The following NSD3 variants were observed in gnomAD, a reference collection of about 807,000 sequenced individuals.
The protein encoded by NSD3 is histone-lysine N-methyltransferase NSD3.
A neutral mutation model predicts 160.8 loss-of-function variants in NSD3; 24 were observed. The observed-to-expected ratio is 0.15, with a 90% CI of 0.11 to 0.21. The LOEUF is 0.21. Among genes scored for constraint, NSD3 ranks in the 10% least tolerant of loss-of-function variants. NSD3 has a pLI of 1.00. For missense variants in NSD3, 1,157 were observed against 1,735.9 expected, an observed-to-expected ratio of 0.67 and a Z score of 5.93; for synonymous variants, 520 against 600.0, an observed-to-expected ratio of 0.87 and a Z score of 1.95.
intron 22 of NSD3, among the ~76,000 whole-genome samples, chr8:38,277,992 G>T (rs1002393407): frequency 1.3e-5 from 2 of 150,318 alleles, no homozygotes; most frequent in Non-Finnish European, 3.0e-5. Flanking sequence ...AGGCTGGAGT[G>T]CAGTGGTGCG....
chr8:38,270,739 TAAG>T lies in NSD3; in HGVS notation c.*4899_*4901del, dbSNP rs1413260943. On this transcript the variant is annotated 3_prime_UTR_variant, in exon 24 of 24. Coordinates refer to ENST00000317025, the MANE Select transcript of NSD3 (RefSeq NM_023034.2). ...AACTAGCAGATGCAGTAATGCCACA[TAAG>T]AAAACTAAGGACTGAATAAATGACT... The T allele has an allele frequency of 6.6e-6, 1 of 152,212 alleles. No homozygotes were observed. Among genetic ancestry groups the T allele is most frequent in the Non-Finnish European group, 1.5e-5 (1 of 68,048 alleles). 9.4% of individuals were successfully genotyped at this position (152,212 alleles called of 1,614,324 possible). A position where few individuals can be genotyped will look rare whatever the true frequency, so the allele number is the denominator to read the frequency against.
intron 1 of NSD3, among the ~76,000 whole-genome samples, chr8:38,379,502 T>C (rs1811485267): frequency 2.0e-5 from 3 of 152,136 alleles, no homozygotes; most frequent in South Asian, 4.1e-4. Context: ...TTTTTTTTAA[T>C]GCAACTGTTC....
Position 38,326,887 on chromosome 8 carries a change from A to C in NSD3, c.1582-31T>G, listed in dbSNP as rs551058562. 5 of 1,611,776 alleles carry C rather than the reference A, an allele frequency of 3.1e-6. No individual in the cohort carries two copies. The South Asian group carries it at 5.5e-5, about 18-fold the overall frequency. ...AAATAAGGCAAAAGAAAAAACAACA[A>C]AACAGGTGATTACCAGGCAAGTGGC... On this transcript the variant is annotated intron_variant, in intron 6 of 23. Transcript: ENST00000317025.
intron 1 of NSD3, among the ~76,000 whole-genome samples, chr8:38,364,553 T>C (rs1158242678): frequency 6.6e-6 from 1 of 152,174 alleles, no homozygotes; most frequent in African/African-American, 2.4e-5. Context: ...GTAGACCTGA[T>C]ACAAATAACA....
chr8:38,290,358 G>T, intron 17 of NSD3, 117 bp downstream of exon 17: 1 of 1,025,392 alleles, frequency 9.8e-7, no homozygotes, highest in Non-Finnish European at 1.5e-6. Context: ...ATGGACACAG[G>T]ATCATAATGT....
chr8:38,315,806 T>C (rs999306743), intron 10 of NSD3, 106 bp downstream of exon 10: 51 of 1,476,406 alleles, frequency 3.5e-5, no homozygotes, highest in Non-Finnish European at 3.9e-5. Context: ...ACAAAGTGAT[T>C]TTTTTCTATG....
intron 7 of NSD3, among the ~76,000 whole-genome samples, chr8:38,325,260 C>T (rs1809880547): frequency 6.6e-6 from 1 of 152,200 alleles, no homozygotes; most frequent in South Asian, 2.1e-4. Context: ...AATCATAGGA[C>T]ACCCAGCTGG....
At chr8:38,282,531 C>T (rs573501224) in intron 19 of NSD3, among the ~76,000 whole-genome samples, 1 of 152,202 alleles carries the variant, frequency 6.6e-6, no homozygotes, top group African/African-American at 2.4e-5. Context: ...ATTGGTCAGG[C>T]GTGGTGGCAC....
intron 6 of NSD3, 150 bp from the exon 7 acceptor site, chr8:38,327,006 G>T: frequency 1.2e-6 from 1 of 858,888 alleles, no homozygotes; most frequent in Non-Finnish European, 1.7e-6. Flanking sequence ...GCCTTTATCA[G>T]AAATTTGATT....
At chr8:38,328,463 C>T (rs1809968913) in intron 6 of NSD3, among the ~76,000 whole-genome samples, 1 of 152,168 alleles carries the variant, frequency 6.6e-6, no homozygotes, top group Admixed American at 6.6e-5. Flanking sequence ...CAAGTTTTTG[C>T]AGGTAGCTTG....
In NSD3 at chr8:38,289,445, G is replaced by GCTT. The variant is rs748229175; in HGVS notation, c.3176_3178dup (p.Glu1059dup). On this transcript the variant is annotated inframe_insertion, in exon 18 of 24. Coordinates refer to ENST00000317025, the MANE Select transcript of NSD3 (RefSeq NM_023034.2). ...TCTTGAGTTTTTTTCAATCTCTAGG[G>GCTT]CTTCTTTACTTTCTCTTTGTGCTTT... is the stretch of plus-strand genomic sequence containing the variant. 12 of 1,613,852 alleles carry GCTT rather than the reference G, an allele frequency of 7.4e-6. No individual in the cohort carries two copies. Among genetic ancestry groups the GCTT allele is most frequent in the Non-Finnish European group, 9.3e-6 (11 of 1,179,930 alleles).
intron 14 of NSD3, chr8:38,303,246 C>G: frequency 1.0e-6 from 1 of 985,348 alleles, no homozygotes; most frequent in Non-Finnish European, 1.2e-6. Flanking sequence ...TTCTTCTAAT[C>G]ATTACTTTCT....
At chr8:38,303,277 A>G (rs1382399554) in intron 14 of NSD3, 1 of 985,330 alleles carries the variant, frequency 1.0e-6, no homozygotes, top group East Asian at 1.1e-4. Flanking sequence ...GAGATGGGAA[A>G]GGCAATGAGT....
Position 38,329,843 on chromosome 8 carries a change from A to G in NSD3, c.1116T>C (p.Ile372=), listed in dbSNP as rs767959983. 5 of 1,611,572 alleles carry G rather than the reference A, an allele frequency of 3.1e-6. No individual in the cohort carries two copies. In the East Asian group the frequency reaches 8.9e-5, roughly 29 times the overall value. The change falls in exon 6 of 24, where the codon ATT becomes ATC. Residue 372 remains isoleucine (I), a synonymous_variant. Coordinates refer to ENST00000317025, the MANE Select transcript of NSD3 (RefSeq NM_023034.2). This position sits in a 1 kb window ranked among gnomAD's most constrained non-coding sequence, Gnocchi z 4.8. ...QRERAQWDIG[I]AHAEKALKMT... Reference sequence around the variant, plus strand: ...TTTTCAATGCTTTCTCTGCATGGGCAATGCCAATATCCCACTGAGCACGTT... The same window carrying G: ...TTTTCAATGCTTTCTCTGCATGGGCGATGCCAATATCCCACTGAGCACGTT...
rs536646874 is a variant in NSD3 at position 38,277,376 on chromosome 8, C to G, written c.3868-876G>C. Reference sequence around the variant, plus strand: ...CACTGCAACCTCTGCCTCCCAGTTTCAAGCGATTCTTCTGCCTCAGCTTCC... The same window carrying G: ...CACTGCAACCTCTGCCTCCCAGTTTGAAGCGATTCTTCTGCCTCAGCTTCC... On this transcript the variant is annotated intron_variant, in intron 22 of 23. Transcript: ENST00000317025. Among the ~76,000 whole-genome samples the G allele has an allele frequency of 2.6e-5, 4 of 152,352 alleles. No individual in the cohort carries two copies. In the East Asian group the frequency reaches 7.7e-4, roughly 29 times the overall value.
chr8:38,291,649 C>G (rs987880063), intron 16 of NSD3, among the ~76,000 whole-genome samples: 3 of 152,132 alleles, frequency 2.0e-5, no homozygotes, highest in African/African-American at 7.2e-5. Context: ...AAAACAAAAA[C>G]CAATATTTTC....
rs1810009637 is a variant in NSD3 at position 38,329,793 on chromosome 8, T to A, written c.1166A>T (p.Gln389Leu). ...TTTATCAATGTAAATAAAAGTATAC[T>A]GTTCTATTCTTTCTTCTCGAGTCAT... Reference protein sequence around the residue: ...LKMTREERIEQYTFIYIDKQP... With the variant: ...LKMTREERIELYTFIYIDKQP... The change falls in exon 6 of 24, where the codon CAG (glutamine) becomes CTG (leucine). Residue 389 changes from glutamine (Q) to leucine (L), a missense_variant. Transcript: ENST00000317025. The surrounding 1 kb of genome is among the most constrained non-coding windows in gnomAD (Gnocchi z 4.8). The A allele has an allele frequency of 1.2e-6, 2 of 1,614,110 alleles. No homozygotes were observed.
rs188283541 is a variant in NSD3, at chr8:38,348,443, A to C, written c.-44-228T>G. On this transcript the variant is annotated intron_variant, in intron 1 of 23. Coordinates refer to ENST00000317025, the MANE Select transcript of NSD3 (RefSeq NM_023034.2). The stretch of plus-strand genomic sequence containing the variant: ...GAAACTCCTGATTACTTTCACAACA[A>C]CTGTGGCAACAAGATTTTATCATCA... 5.1e-3 allele frequency among the ~76,000 whole-genome samples: 771 copies of C among 152,326 alleles called. 1 individual carries two copies. Among genetic ancestry groups the C allele is most frequent in the Middle Eastern group, 0.017 (5 of 294 alleles).
In NSD3 at chr8:38,299,755, G is replaced by GT. The variant is rs1241020155; in HGVS notation, c.2612-166dup. The stretch of plus-strand genomic sequence containing the variant: ...AGATCTGACAGAAAGGTTTTCTACA[G>GT]TTTTCAAAGGGAGTCTGAACTACTC... On this transcript the variant is annotated intron_variant, in intron 14 of 23. Transcript: ENST00000317025. 21 of 580,366 alleles carry GT rather than the reference G, an allele frequency of 3.6e-5. No individual in the cohort carries two copies. In the African/African-American group the frequency reaches 3.7e-4, roughly 10 times the overall value. The allele number at this position is 580,366 out of a possible 1,614,324, so 36.0% of individuals were successfully genotyped here.
Sources: allele counts gnomAD v4.1 joint callset (sites outside exome capture counted in the v4.1 genomes callset), GRCh38; gene constraint gnomAD v4.1.1; non-coding constraint Gnocchi (gnomAD v3.1); transcripts MANE v1.5; gene names NCBI Gene and HGNC (gene_info 2026-07-23, HGNC 2026-07-21).